The following FAT4 variants were observed in gnomAD, a reference collection of about 807,000 sequenced individuals.
FAT4 encodes the protein protocadherin Fat 4.
In FAT4, 84 loss-of-function variants were observed where a neutral mutation model predicts 303.9. The ratio of observed to expected loss-of-function variants is 0.28; its 90% CI spans 0.23 to 0.33. The LOEUF (loss-of-function observed/expected upper bound fraction) is 0.33. FAT4 is among the 10% of genes least tolerant of loss of function. The pLI is 1.00. For missense variants in FAT4, 6,005 were observed against 6,146.8 expected (o/e 0.98, Z 0.77); for synonymous variants, 2,307 against 2,298.8 (o/e 1.00, Z -0.10).
rs766010427 is a variant in FAT4 at position 125,407,135 on chromosome 4, A to G, written c.5563A>G (p.Ile1855Val). 6.2e-6 allele frequency: 10 copies of G among 1,610,022 alleles called. No individual in the cohort carries two copies. Among genetic ancestry groups the G allele is most frequent in the Middle Eastern group, 1.7e-4 (1 of 6,058 alleles). ...VYSFDIPEDTIPGSLVAAILA... is the reference protein window; with the variant it reads ...VYSFDIPEDTVPGSLVAAILA... ...CTCTTTTGACATTCCTGAGGACACA[A>G]TCCCTGGTAGGTGATGGGTCTCTTA... is the stretch of plus-strand genomic sequence containing the variant. Residue 1855 changes from isoleucine to valine, a missense_variant, in exon 4 of 18, where the codon ATC becomes GTC. Coordinates refer to ENST00000394329, the MANE Select transcript of FAT4 (RefSeq NM_001291303.3).
intron 2 of FAT4, among the ~76,000 whole-genome samples, chr4:125,344,556 A>T (rs543628563): frequency 1.4e-4 from 21 of 152,252 alleles, no homozygotes; most frequent in South Asian, 4.1e-4. Flanking sequence ...CTGAATTGCT[A>T]AATATAAATA....
At chr4:125,333,845 A>G (rs1025080961) in intron 2 of FAT4, among the ~76,000 whole-genome samples, 2 of 152,206 alleles carry the variant, frequency 1.3e-5, no homozygotes, top group South Asian at 2.1e-4. Context: ...TATTAAAAAT[A>G]TAAAAGAATA....
In FAT4 at chr4:125,452,714, G is replaced by A; in HGVS notation, c.11704G>A (p.Asp3902Asn). The change falls in exon 10 of 18, where the codon GAT (aspartate) becomes AAT (asparagine). Residue 3902 changes from aspartate (D) to asparagine (N), a missense_variant. Physicochemically the swap from Asp to Asn is conservative, Grantham distance 23 (BLOSUM62 1). Coordinates refer to ENST00000394329, the MANE Select transcript of FAT4 (RefSeq NM_001291303.3). ...DGFTGRACER[D>N]INECLQSPCK... is the part of the protein sequence containing the mutation. Reference sequence around the variant, plus strand: ...CTTCACTGGTAGGGCGTGTGAGAGAGATATCAATGAGTGCCTGCAGAGTCC... The same window carrying A: ...CTTCACTGGTAGGGCGTGTGAGAGAAATATCAATGAGTGCCTGCAGAGTCC... 1 of 1,614,146 alleles carries A rather than the reference G, an allele frequency of 6.2e-7. No individual in the cohort carries two copies. The highest frequency in any genetic ancestry group is 8.5e-7 in the Non-Finnish European group (1 of 1,180,026).
rs747348231 is a variant in FAT4, at chr4:125,452,131, C to T, written c.11121C>T (p.Ser3707=). 2.3e-5 allele frequency: 37 copies of T among 1,614,056 alleles called. No individual in the cohort carries two copies. The highest frequency in any genetic ancestry group is 2.7e-5 in the Non-Finnish European group (32 of 1,180,040). The change falls in exon 10 of 18, where the codon TCC becomes TCT. Residue 3707 remains serine, a synonymous_variant. Transcript: ENST00000394329. ...TCCGAGTTTTCTTTGCTGGATTTTC[C>T]AATGCCACAGTGGATAACAGCATCT... ...SNIRVFFAGF[S]NATVDNSILL...
intron 2 of FAT4, among the ~76,000 whole-genome samples, chr4:125,369,502 C>T (rs1275459651): frequency 6.6e-6 from 1 of 152,108 alleles, no homozygotes; most frequent in African/African-American, 2.4e-5. Flanking sequence ...GCCTAGCTTT[C>T]CTGCAACAAT....
chr4:125,440,526 T>C (rs946719425), intron 8 of FAT4, among the ~76,000 whole-genome samples: 9 of 151,914 alleles, frequency 5.9e-5, no homozygotes, highest in Non-Finnish European at 1.0e-4. Context: ...CTGTTTCTCT[T>C]TTCTCTCTCT....
In FAT4 at chr4:125,316,352, T is replaced by C; in HGVS notation, c.-12-48T>C. The C allele has an allele frequency of 6.5e-7, 1 of 1,532,400 alleles. No homozygotes were observed. The highest frequency in any genetic ancestry group is 1.3e-5 in the South Asian group (1 of 79,334). The allele number at this position is 1,532,400 out of a possible 1,614,324, so 94.9% of individuals were successfully genotyped here. A position where few individuals can be genotyped will look rare whatever the true frequency, so the allele number is the denominator to read the frequency against. ...TGGCGCTCCTTAATCCCTGTAAATA[T>C]CATTGCGTTTGCTTCACCCCTTCCT... On this transcript the variant is annotated intron_variant, in intron 1 of 17. Transcript: ENST00000394329. The surrounding 1 kb of genome is among the most constrained non-coding windows in gnomAD (Gnocchi z 5.7).
chr4:125,380,410 G>T (rs1435362370), intron 2 of FAT4, among the ~76,000 whole-genome samples: 1 of 152,104 alleles, frequency 6.6e-6, no homozygotes, highest in Admixed American at 6.5e-5. Flanking sequence ...GTAATGTAGA[G>T]GTGTTTTGGC....
chr4:125,350,545 A>C (rs1361970256), intron 2 of FAT4, among the ~76,000 whole-genome samples: 1 of 151,724 alleles, frequency 6.6e-6, no homozygotes, highest in African/African-American at 2.4e-5. Flanking sequence ...TATGTGTTGT[A>C]TAGTCAGTGC....
rs755526114 is a variant in FAT4 at position 125,321,047 on chromosome 4, G to A, written c.4636G>A (p.Val1546Ile). Residue 1546 changes from valine to isoleucine, a missense_variant, in exon 2 of 18, where the codon GTT (valine) becomes ATT (isoleucine). By Grantham distance (29) the Val-to-Ile change is conservative (BLOSUM62 3). Transcript: ENST00000394329. Reference sequence around the variant, plus strand: ...AGACCCATCAGCTGTGATTGGTTCCGTTCTGACAACAATTATGGCTGCTGA... The same window carrying A: ...AGACCCATCAGCTGTGATTGGTTCCATTCTGACAACAATTATGGCTGCTGA... The part of the protein sequence containing the change: ...AADPSAVIGS[V>I]LTTIMAADPD... The A allele has an allele frequency of 2.0e-5, 32 of 1,614,034 alleles. No individual in the cohort carries two copies. Among genetic ancestry groups the A allele is most frequent in the Middle Eastern group, 3.3e-4 (2 of 6,084 alleles).
chr4:125,474,548 C>CA (rs1236643782), intron 12 of FAT4, among the ~76,000 whole-genome samples: 13 of 150,854 alleles, frequency 8.6e-5, no homozygotes, highest in East Asian at 5.8e-4. Flanking sequence ...AAAAAAATGG[C>CA]AAAAAAAATT....
intron 16 of FAT4, among the ~76,000 whole-genome samples, chr4:125,483,472 T>C (rs1237710802): frequency 6.6e-6 from 1 of 152,140 alleles, no homozygotes; most frequent in Non-Finnish European, 1.5e-5. Flanking sequence ...TCAGTCAAAA[T>C]ACAATGTGGT....
intron 7 of FAT4, among the ~76,000 whole-genome samples, chr4:125,425,753 T>C (rs1044297727): frequency 2.0e-5 from 3 of 152,138 alleles, no homozygotes; most frequent in African/African-American, 7.2e-5. Flanking sequence ...AAATTAAATA[T>C]GTTATCCTTT....
At position 125,408,505 on chromosome 4, in the gene FAT4, A is replaced by G. The variant is rs1321210347; in HGVS notation, c.5631A>G (p.Thr1877=). The G allele has an allele frequency of 4.3e-6, 7 of 1,613,382 alleles. No homozygotes were observed. Among genetic ancestry groups the G allele is most frequent in the Non-Finnish European group, 5.1e-6 (6 of 1,179,626 alleles). ...DDDSGVNGEI[T]YIVNEDDEDG... ...ACTCTGGTGTGAATGGAGAAATTACATATATTGTGAATGAAGATGATGAAG... is the reference window on the plus strand; with the variant it reads ...ACTCTGGTGTGAATGGAGAAATTACGTATATTGTGAATGAAGATGATGAAG... Residue 1877 remains threonine (T), a synonymous_variant, in exon 5 of 18, where the codon ACA becomes ACG. Transcript: ENST00000394329.
At chr4:125,476,733 A>G (rs1223573632) in intron 13 of FAT4, among the ~76,000 whole-genome samples, 1 of 152,190 alleles carries the variant, frequency 6.6e-6, no homozygotes, top group Non-Finnish European at 1.5e-5. Context: ...ATGATGCATC[A>G]TTCATTGCCT....
chr4:125,362,107 C>T (rs1312905924), intron 2 of FAT4, among the ~76,000 whole-genome samples: 1 of 152,088 alleles, frequency 6.6e-6, no homozygotes, highest in Non-Finnish European at 1.5e-5. Context: ...GACTGCTGTA[C>T]CACTCTTCAG....
At chr4:125,422,086 T>C (rs1724923160) in intron 7 of FAT4, among the ~76,000 whole-genome samples, 1 of 152,180 alleles carries the variant, frequency 6.6e-6, no homozygotes, top group South Asian at 2.1e-4. Flanking sequence ...GAAAACATTT[T>C]TAAATGAAGC....
rs747229172 is a variant in FAT4, at chr4:125,448,826, G to T, written c.7816G>T (p.Ala2606Ser). The change falls in exon 10 of 18, where the codon GCA (alanine) becomes TCA (serine). Residue 2606 changes from alanine to serine, a missense_variant. Transcript: ENST00000394329. ...AGGAGAACCTATGTCATATTATATC[G>T]CAAGTGGGAATCTTGGCAATACTTT... Reference protein sequence around the residue: ...LRGEPMSYYIASGNLGNTFQI... With the variant: ...LRGEPMSYYISSGNLGNTFQI... 1.9e-6 allele frequency: 3 copies of T among 1,608,628 alleles called. No homozygotes were observed. Among genetic ancestry groups the T allele is most frequent in the South Asian group, 2.2e-5 (2 of 91,052 alleles).
Position 125,318,595 on chromosome 4 carries a change from A to G in FAT4, c.2184A>G (p.Ile728Met), listed in dbSNP as rs1263838787. The change falls in exon 2 of 18, where the codon ATA becomes ATG. Residue 728 changes from isoleucine to methionine, a missense_variant. Transcript: ENST00000394329. ...LGTNGTVKYS[I>M]SAGDRSRFQV... Reference sequence around the variant, plus strand: ...CCAATGGTACTGTCAAATATAGCATATCTGCTGGGGACAGGTCTCGGTTTC... The same window carrying G: ...CCAATGGTACTGTCAAATATAGCATGTCTGCTGGGGACAGGTCTCGGTTTC... The G allele has an allele frequency of 1.2e-6, 2 of 1,614,190 alleles. No homozygotes were observed. Among genetic ancestry groups the G allele is most frequent in the East Asian group, 2.2e-5 (1 of 44,878 alleles).
Sources: allele counts gnomAD v4.1 joint callset (sites outside exome capture counted in the v4.1 genomes callset), GRCh38; gene constraint gnomAD v4.1.1; non-coding constraint Gnocchi (gnomAD v3.1); transcripts MANE v1.5; gene names NCBI Gene and HGNC (gene_info 2026-07-23, HGNC 2026-07-21).